The following KCNH1 variants were observed in gnomAD, a reference collection of about 807,000 sequenced individuals.
KCNH1 encodes the protein voltage-gated delayed rectifier potassium channel KCNH1.
In KCNH1, 27 loss-of-function variants were observed where a neutral mutation model predicts 69.2. The observed-to-expected ratio is 0.39, with a 90% CI of 0.29 to 0.54. KCNH1 has a LOEUF of 0.54. Ranked by LOEUF, KCNH1 falls within the 20% of genes least tolerant of loss-of-function variation. The pLI is 0.68. For synonymous variants in KCNH1, 456 were observed against 487.7 expected (o/e 0.93, Z 0.86); for missense variants, 798 against 1,261.6 (o/e 0.63, Z 5.57).
chr1:210,884,054 G>C (rs1481106587), intron 7 of KCNH1, among the ~76,000 whole-genome samples: 1 of 152,150 alleles, frequency 6.6e-6, no homozygotes, highest in Admixed American at 6.5e-5. Context: ...GCCTATGTCA[G>C]ATCTAGTGAG....
rs141309247 is a variant in KCNH1, at chr1:210,991,818, G to A, written c.1032+26965C>T. 2.5e-3 allele frequency among the ~76,000 whole-genome samples: 377 copies of A among 152,248 alleles called. 9 individuals carry two copies. Among genetic ancestry groups the A allele is most frequent in the Admixed American group, 0.021 (323 of 15,274 alleles). On this transcript the variant is annotated intron_variant, in intron 6 of 10. Coordinates refer to ENST00000271751, the MANE Select transcript of KCNH1 (RefSeq NM_172362.3). ...GATGAAAACCAGAAAGCAGAAAGCA[G>A]AATTAGCCCTTAGCACTGCCAGTCT...
At chr1:211,125,104 G>A (rs2102500710) in intron 1 of KCNH1, among the ~76,000 whole-genome samples, 1 of 152,282 alleles carries the variant, frequency 6.6e-6, no homozygotes, top group East Asian at 1.9e-4. Flanking sequence ...CCTTTAATCA[G>A]GGGAAAACAG....
chr1:210,926,233 A>G (rs976298191), intron 6 of KCNH1, among the ~76,000 whole-genome samples: 1 of 152,064 alleles, frequency 6.6e-6, no homozygotes, highest in Non-Finnish European at 1.5e-5. Context: ...ATTGCCCTCC[A>G]GCCTGGACAA....
chr1:210,830,777 A>G (rs1685142711), intron 7 of KCNH1, among the ~76,000 whole-genome samples: 1 of 152,112 alleles, frequency 6.6e-6, no homozygotes, highest in South Asian at 2.1e-4. Context: ...CACCTCTTGG[A>G]GGGACACAAT....
intron 7 of KCNH1, chr1:210,859,360 T>A (rs979968149): frequency 6.6e-7 from 1 of 1,523,678 alleles, no homozygotes. Context: ...CAGACCCTGA[T>A]CCCACACAGG....
At chr1:210,762,254 C>A (rs1465895399) in intron 10 of KCNH1, among the ~76,000 whole-genome samples, 1 of 152,068 alleles carries the variant, frequency 6.6e-6, no homozygotes, top group Non-Finnish European at 1.5e-5. Flanking sequence ...GTTTATAGTT[C>A]TAAATGCCTA....
At chr1:211,001,301 T>A (rs1011227052) in intron 6 of KCNH1, among the ~76,000 whole-genome samples, 12 of 151,984 alleles carry the variant, frequency 7.9e-5, no homozygotes, top group Admixed American at 2.0e-4. Flanking sequence ...TACAATGAAC[T>A]CAAACAAATT....
chr1:210,969,012 C>A (rs1394101390), intron 6 of KCNH1, among the ~76,000 whole-genome samples: 1 of 152,034 alleles, frequency 6.6e-6, no homozygotes, highest in East Asian at 1.9e-4. Flanking sequence ...TTTGCCTTCT[C>A]TGCATCTTTA....
intron 7 of KCNH1, among the ~76,000 whole-genome samples, chr1:210,871,915 G>A (rs1327686466): frequency 9.5e-6 from 1 of 105,234 alleles, no homozygotes; most frequent in African/African-American, 3.6e-5. Context: ...GGTGGGGGGA[G>A]GGGGGAGGGA....
At chr1:211,074,579 T>C (rs1056860554) in intron 5 of KCNH1, among the ~76,000 whole-genome samples, 1 of 152,218 alleles carries the variant, frequency 6.6e-6, no homozygotes, top group African/African-American at 2.4e-5. Context: ...GGGTATCAAG[T>C]TGACAAGAGG....
chr1:210,997,228 A>T (rs1689065799), intron 6 of KCNH1, among the ~76,000 whole-genome samples: 1 of 152,204 alleles, frequency 6.6e-6, no homozygotes, highest in South Asian at 2.1e-4. Context: ...TACAGGAGGA[A>T]ATTCAAACCA....
At chr1:211,124,293 A>G (rs1214944178) in intron 1 of KCNH1, among the ~76,000 whole-genome samples, 1 of 152,184 alleles carries the variant, frequency 6.6e-6, no homozygotes, top group Non-Finnish European at 1.5e-5. Flanking sequence ...TTGTGTGTTG[A>G]AAGGAGTACC....
At chr1:210,871,767 C>T (rs56116230) in intron 7 of KCNH1, among the ~76,000 whole-genome samples, 34,320 of 149,808 alleles carry the variant, frequency 0.23, 4,055 homozygotes, top group African/African-American at 0.31. Flanking sequence ...ATGGATGAAA[C>T]TGGAAATCAT....
chr1:210,740,768 T>C (rs1683010374), intron 10 of KCNH1, among the ~76,000 whole-genome samples: 1 of 149,278 alleles, frequency 6.7e-6, no homozygotes, highest in East Asian at 2.0e-4. Context: ...AACTCAGGCT[T>C]GTGACAGCTA....
intron 6 of KCNH1, among the ~76,000 whole-genome samples, chr1:210,928,872 A>G (rs960461799): frequency 6.6e-6 from 1 of 152,192 alleles, no homozygotes; most frequent in African/African-American, 2.4e-5. Context: ...CCACAGAAAT[A>G]CAAAAGATTA....
chr1:210,959,671 C>A (rs934729183), intron 6 of KCNH1, among the ~76,000 whole-genome samples: 1 of 152,230 alleles, frequency 6.6e-6, no homozygotes, highest in Non-Finnish European at 1.5e-5. Flanking sequence ...GACTGCTGCA[C>A]TAGCAGTGAG....
intron 7 of KCNH1, among the ~76,000 whole-genome samples, chr1:210,894,558 C>T (rs944371282): frequency 6.6e-6 from 1 of 152,122 alleles, no homozygotes; most frequent in African/African-American, 2.4e-5. Context: ...CTTTGTGCAG[C>T]CCTCTCCTAT....
chr1:211,036,012 C>T (rs57045219), intron 5 of KCNH1, among the ~76,000 whole-genome samples: 24,682 of 152,122 alleles, frequency 0.16, 2,334 homozygotes, highest in East Asian at 0.4. Context: ...CACTGCTTGC[C>T]GCACATAAAG....
At chr1:210,807,699 CTTTT>C (rs1190900942) in intron 7 of KCNH1, among the ~76,000 whole-genome samples, 1 of 152,058 alleles carries the variant, frequency 6.6e-6, no homozygotes, top group Non-Finnish European at 1.5e-5. Flanking sequence ...TTGAGATTGT[CTTTT>C]TTAACTCATC....
Sources: gnomAD v4.1 joint callset for allele counts (sites outside exome capture counted in the v4.1 genomes callset) on GRCh38, gnomAD v4.1.1 for gene constraint, MANE v1.5 for transcripts, NCBI Gene and HGNC (gene_info 2026-07-23, HGNC 2026-07-21) for gene names.